The following CAV1 variants were observed in gnomAD, a reference collection of about 807,000 sequenced individuals.
CAV1 encodes the protein caveolin 1.
A neutral mutation model predicts 16.5 loss-of-function variants in CAV1; 10 were observed. That is an observed-to-expected ratio of 0.61 (90% CI 0.37 to 1.03). The LOEUF (loss-of-function observed/expected upper bound fraction) is 1.03, where lower values mean the gene tolerates loss of function less well. Among genes scored for constraint, CAV1 ranks in the 50% least tolerant of loss-of-function variants. The pLI, the probability that CAV1 is intolerant of heterozygous loss-of-function variation, is 0.01. For synonymous variants in CAV1, 76 were observed against 85.1 expected (o/e 0.89, Z 0.59); for missense variants, 212 against 232.8 (o/e 0.91, Z 0.58).
At chr7:116,556,061 C>T (rs913789697) in intron 2 of CAV1, among the ~76,000 whole-genome samples, 4 of 152,168 alleles carry the variant, frequency 2.6e-5, no homozygotes, top group South Asian at 2.1e-4. Context: ...TTCACTTGGA[C>T]GTTTGAGGAT....
chr7:116,530,671 T>C (rs1793670881), intron 2 of CAV1, among the ~76,000 whole-genome samples: 1 of 152,182 alleles, frequency 6.6e-6, no homozygotes, highest in Admixed American at 6.5e-5. Flanking sequence ...GAGACAAGAA[T>C]GTCTCCCACA....
intron 2 of CAV1, among the ~76,000 whole-genome samples, chr7:116,533,209 G>A (rs73208106): frequency 0.11 from 17,055 of 151,728 alleles, 1,244 homozygotes; most frequent in African/African-American, 0.17. Context: ...GTGTGGTAGC[G>A]CGTGTTTAAT....
Position 116,555,582 on chromosome 7 carries a change from AAGAAAGAAAGAAAGAAAGAAAG to A in CAV1, c.196-3347_196-3326del, listed in dbSNP as rs1562838560. On this transcript the variant is annotated intron_variant, in intron 2 of 2. Transcript: ENST00000341049. ...AAAGAAAGAAAGAAAGAAAGAAAGA[AAGAAAGAAAGAAAGAAAGAAAG>A]AGAAAGAAAGAAAGAAGGGAGGGAG... Among the ~76,000 whole-genome samples, 14 of 103,714 alleles carry A rather than the reference AAGAAAGAAAGAAAGAAAGAAAG, an allele frequency of 1.3e-4. 1 individual carries two copies. Among genetic ancestry groups the A allele is most frequent in the Middle Eastern group, 4.1e-3 (1 of 244 alleles). 68.0% of individuals were successfully genotyped at this position (103,714 alleles called of 152,430 possible). A position where few individuals can be genotyped will look rare whatever the true frequency, so the allele number is the denominator to read the frequency against.
At chr7:116,551,693 C>T (rs1794165147) in intron 2 of CAV1, 2 of 152,064 alleles carry the variant, frequency 1.3e-5, no homozygotes, top group Admixed American at 6.6e-5. Context: ...AACATTGATC[C>T]TCCACAGTTT....
At chr7:116,529,520 T>C (rs1231478354) in intron 2 of CAV1, among the ~76,000 whole-genome samples, 2 of 152,190 alleles carry the variant, frequency 1.3e-5, no homozygotes, top group African/African-American at 4.8e-5. Flanking sequence ...CAGTGCCAGA[T>C]TAGGGTGTTC....
intron 2 of CAV1, among the ~76,000 whole-genome samples, chr7:116,529,732 A>C (rs199512856): frequency 6.6e-6 from 1 of 152,204 alleles, no homozygotes; most frequent in East Asian, 1.9e-4. Context: ...AGTTCCAATA[A>C]AATTAATTTC....
At chr7:116,536,573 G>A (rs1039826090) in intron 2 of CAV1, among the ~76,000 whole-genome samples, 2 of 152,176 alleles carry the variant, frequency 1.3e-5, no homozygotes, top group Non-Finnish European at 2.9e-5. Flanking sequence ...GGCCTGTTCT[G>A]GGCACCAGCA....
At chr7:116,530,468 G>A (rs1793666674) in intron 2 of CAV1, among the ~76,000 whole-genome samples, 1 of 152,084 alleles carries the variant, frequency 6.6e-6, no homozygotes, top group African/African-American at 2.4e-5. Flanking sequence ...AATAGGGAAT[G>A]GTATCAATAT....
At chr7:116,532,415 G>A (rs560492059) in intron 2 of CAV1, among the ~76,000 whole-genome samples, 2 of 152,322 alleles carry the variant, frequency 1.3e-5, no homozygotes, top group African/African-American at 4.8e-5. Context: ...AGAGGACAGG[G>A]CTATGTGCGC....
At position 116,560,365 on chromosome 7, in the gene CAV1, C is replaced by T. The variant is rs902013118; in HGVS notation, c.*1078C>T. On this transcript the variant is annotated 3_prime_UTR_variant, in exon 3 of 3. Coordinates refer to ENST00000341049, the MANE Select transcript of CAV1 (RefSeq NM_001753.5). ...GCTCAACATTGTGTTCCCATTTCAG[C>T]TGATCAGTGGGCCTCCAAGGAGGGG... 5 of 152,360 alleles carry T rather than the reference C, an allele frequency of 3.3e-5. No individual in the cohort carries two copies. The highest frequency in any genetic ancestry group is 5.9e-5 in the Non-Finnish European group (4 of 68,076). The allele number at this position is 152,360 out of a possible 1,614,324, so 9.4% of individuals were successfully genotyped here.
In CAV1 at chr7:116,558,690, C is replaced by G. The variant is rs376015906; in HGVS notation, c.196-256C>G. ...ATTGCTTGAGCCTGGGAAGTCGAAG[C>G]TGCAGTGAGCCATGATCATGCCACT... On this transcript the variant is annotated intron_variant, in intron 2 of 2. Coordinates refer to ENST00000341049, the MANE Select transcript of CAV1 (RefSeq NM_001753.5). 5.9e-5 allele frequency among the ~76,000 whole-genome samples: 9 copies of G among 151,946 alleles called. No homozygotes were observed. The East Asian group carries it at 1.6e-3, about 26-fold the overall frequency.
At chr7:116,555,522 GAGAGAGAGAGAGAGAGAGAGAGAAAGAAA>G (rs1794258729) in intron 2 of CAV1, among the ~76,000 whole-genome samples, 6 of 5,360 alleles carry the variant, frequency 1.1e-3, no homozygotes, top group East Asian at 0.012. Flanking sequence ...GAAAGAAAGA[GAGAGAGAGAGAGAGAGAGAGAGAAAGAAA>G]GAAAGAAAGA....
At chr7:116,542,686 C>T (rs1198142655) in intron 2 of CAV1, 2 of 152,214 alleles carry the variant, frequency 1.3e-5, no homozygotes, top group Non-Finnish European at 2.9e-5. Flanking sequence ...GTACATAGCA[C>T]AAATCTCATA....
At chr7:116,556,457 A>G (rs934241487) in intron 2 of CAV1, among the ~76,000 whole-genome samples, 1 of 151,562 alleles carries the variant, frequency 6.6e-6, no homozygotes, top group African/African-American at 2.4e-5. Flanking sequence ...AAGAAAGTTG[A>G]TAACTTTCAG....
intron 2 of CAV1, among the ~76,000 whole-genome samples, chr7:116,555,546 A>AG: frequency 3.0e-5 from 1 of 33,838 alleles, no homozygotes; most frequent in African/African-American, 1.3e-4. Flanking sequence ...GAGAGAGAGA[A>AG]AGAAAGAAAG....
chr7:116,550,835 T>G (rs1247017771), intron 2 of CAV1, among the ~76,000 whole-genome samples: 5 of 152,180 alleles, frequency 3.3e-5, no homozygotes, highest in Non-Finnish European at 7.4e-5. Context: ...TATTGTCCAT[T>G]TGTGTGTTTT....
intron 2 of CAV1, among the ~76,000 whole-genome samples, chr7:116,543,505 T>A (rs906168525): frequency 6.6e-6 from 1 of 152,262 alleles, no homozygotes; most frequent in Admixed American, 6.5e-5. Context: ...GGCTCAGAAC[T>A]CTGTGGTCTT....
intron 2 of CAV1, among the ~76,000 whole-genome samples, chr7:116,535,333 C>T (rs935246918): frequency 6.6e-6 from 1 of 152,142 alleles, no homozygotes. Flanking sequence ...TCTAATGTCA[C>T]TCGTCTGCTG....
Position 116,529,332 on chromosome 7 carries a change from C to CTGTCCAATATGGTAATCACTAGCCATT in CAV1, c.195+2647_195+2673dup. 2.0e-5 allele frequency among the ~76,000 whole-genome samples: 3 copies of CTGTCCAATATGGTAATCACTAGCCATT among 152,314 alleles called. 1 individual carries two copies. The South Asian group carries it at 6.2e-4, about 32-fold the overall frequency. ...AGCAAGCAGCCCTGTAAAAGCTGCT[C>CTGTCCAATATGGTAATCACTAGCCATT]TGTCCAATATGGTAATCACTAGCCA... is the stretch of plus-strand genomic sequence containing the variant. On this transcript the variant is annotated intron_variant, in intron 2 of 2. Transcript: ENST00000341049.
Sources: allele counts gnomAD v4.1 joint callset (sites outside exome capture counted in the v4.1 genomes callset), GRCh38; gene constraint gnomAD v4.1.1; transcripts MANE v1.5; gene names NCBI Gene and HGNC (gene_info 2026-07-23, HGNC 2026-07-21).